The following EPM2A variants were observed in gnomAD, a reference collection of about 807,000 sequenced individuals.
EPM2A encodes the protein EPM2A glucan phosphatase, laforin.
Under a neutral mutation model 26.5 loss-of-function variants are expected in EPM2A, and 21 were observed. The ratio of observed to expected loss-of-function variants is 0.79; its 90% CI spans 0.56 to 1.14. The LOEUF is 1.14. EPM2A is among the 50% of genes most tolerant of loss of function. The pLI, the probability that EPM2A is intolerant of heterozygous loss-of-function variation, is 0.00. For synonymous variants in EPM2A, 217 were observed against 177.6 expected (o/e 1.22, Z -1.76); for missense variants, 458 against 440.8 (o/e 1.04, Z -0.35).
intron 4 of EPM2A, among the ~76,000 whole-genome samples, chr6:145,467,304 A>G (rs994669962): frequency 3.9e-5 from 6 of 152,262 alleles, no homozygotes; most frequent in African/African-American, 1.4e-4. Flanking sequence ...CCAAACTGTC[A>G]AAAAGTTGTC....
chr6:145,656,405 T>C (rs1453629712), intron 2 of EPM2A, among the ~76,000 whole-genome samples: 1 of 152,180 alleles, frequency 6.6e-6, no homozygotes, highest in African/African-American at 2.4e-5. Context: ...CACCAACTCC[T>C]GCAAACCTCA....
At chr6:145,384,649 T>A (rs1299121902) in intron 4 of EPM2A, among the ~76,000 whole-genome samples, 1 of 146,172 alleles carries the variant, frequency 6.8e-6, no homozygotes, top group Non-Finnish European at 1.5e-5. Context: ...TCCTGGGGAG[T>A]GCTGCCAGCT....
intron 4 of EPM2A, among the ~76,000 whole-genome samples, chr6:145,435,015 A>T (rs1204765884): frequency 6.6e-6 from 1 of 151,768 alleles, no homozygotes; most frequent in African/African-American, 2.4e-5. Flanking sequence ...TGATGTGCCT[A>T]CTCTGGTCCC....
chr6:145,681,791 G>A (rs1230150369), intron 2 of EPM2A, among the ~76,000 whole-genome samples: 1 of 152,162 alleles, frequency 6.6e-6, no homozygotes, highest in Non-Finnish European at 1.5e-5. Flanking sequence ...ACAGGTGCTT[G>A]TCAGCTTATA....
intron 2 of EPM2A, among the ~76,000 whole-genome samples, chr6:145,660,690 T>A (rs1778633016): frequency 6.6e-6 from 1 of 152,090 alleles, no homozygotes; most frequent in Non-Finnish European, 1.5e-5. Context: ...TAGTCCCAGC[T>A]ACTCGAGAGG....
At chr6:145,603,845 C>T (rs1173138597) in intron 2 of EPM2A, among the ~76,000 whole-genome samples, 1 of 152,110 alleles carries the variant, frequency 6.6e-6, no homozygotes, top group African/African-American at 2.4e-5. Flanking sequence ...TCCCAAATGG[C>T]TTACTTAACT....
intron 4 of EPM2A, among the ~76,000 whole-genome samples, chr6:145,460,143 T>G (rs751752231): frequency 1.2e-4 from 18 of 152,210 alleles, no homozygotes; most frequent in Non-Finnish European, 1.9e-4. Flanking sequence ...AGGTAAGGAC[T>G]CGTTATCACC....
At chr6:145,497,233 T>C (rs1779832908), downstream of EPM2A, among the ~76,000 whole-genome samples, 1 of 152,194 alleles carries the variant, frequency 6.6e-6, no homozygotes, top group Non-Finnish European at 1.5e-5. Context: ...ATTGCTAACA[T>C]TTGGATGCGG....
rs201917957 is a variant in EPM2A at position 145,559,672 on chromosome 6, CTTTT to C, written c.341-57101_341-57098del. On this transcript the variant is annotated intron_variant, in intron 2 of 3. Transcript: ENST00000450221. ...GGCTCCTTTCCAATAATACTTTCTCCTTTTTTTTTTTTTTTTTTTTAAAATGGTG... is the reference window on the plus strand; with the variant it reads ...GGCTCCTTTCCAATAATACTTTCTCCTTTTTTTTTTTTTTTTAAAATGGTG... Among the ~76,000 whole-genome samples, 163 of 138,720 alleles carry C rather than the reference CTTTT, an allele frequency of 1.2e-3. 1 individual carries two copies. The East Asian group carries it at 0.019, about 16-fold the overall frequency. The allele number at this position is 138,720 out of a possible 152,430, so 91.0% of individuals were successfully genotyped here. A position where few individuals can be genotyped will look rare whatever the true frequency, so the allele number is the denominator to read the frequency against.
At chr6:145,386,806 T>G (rs772362639) in intron 4 of EPM2A, among the ~76,000 whole-genome samples, 1 of 152,186 alleles carries the variant, frequency 6.6e-6, no homozygotes, top group Non-Finnish European at 1.5e-5. Context: ...GTGCAGATAA[T>G]CTTAAACCAA....
At chr6:145,436,203 T>C (rs1778986507) in intron 4 of EPM2A, among the ~76,000 whole-genome samples, 1 of 152,232 alleles carries the variant, frequency 6.6e-6, no homozygotes, top group South Asian at 2.1e-4. Context: ...GCCAAATATG[T>C]TGCATTGTAC....
intron 4 of EPM2A, among the ~76,000 whole-genome samples, chr6:145,400,108 C>G (rs1388356273): frequency 1.3e-5 from 2 of 152,144 alleles, no homozygotes; most frequent in Non-Finnish European, 2.9e-5. Flanking sequence ...TCTTTTGGCT[C>G]TAAGTCCCTT....
At chr6:145,710,702 C>T (rs1775265638) in intron 1 of EPM2A, among the ~76,000 whole-genome samples, 1 of 152,030 alleles carries the variant, frequency 6.6e-6, no homozygotes, top group Non-Finnish European at 1.5e-5. Flanking sequence ...TTCACAATAG[C>T]AAAGACTTGG....
chr6:145,723,421 T>C (rs1776041456), intron 1 of EPM2A, among the ~76,000 whole-genome samples: 1 of 152,058 alleles, frequency 6.6e-6, no homozygotes, highest in African/African-American at 2.4e-5. Flanking sequence ...ACTATATACA[T>C]ATGCATACAC....
At chr6:145,594,733 G>T (rs1156303364) in intron 2 of EPM2A, among the ~76,000 whole-genome samples, 1 of 151,758 alleles carries the variant, frequency 6.6e-6, no homozygotes, top group Non-Finnish European at 1.5e-5. Context: ...GAATTTCAAT[G>T]AATATTTTAA....
intron 4 of EPM2A, among the ~76,000 whole-genome samples, chr6:145,471,509 C>A (rs76802751): frequency 0.07 from 10,679 of 152,038 alleles, 1,099 homozygotes; most frequent in African/African-American, 0.22. Flanking sequence ...GAGGCACTGA[C>A]GAGATAAAAA....
At chr6:145,385,333 T>C (rs1310629408) in intron 4 of EPM2A, among the ~76,000 whole-genome samples, 1 of 120,526 alleles carries the variant, frequency 8.3e-6, no homozygotes, top group Non-Finnish European at 1.8e-5. Context: ...GTTTGGAATT[T>C]TGTAATTTAG....
chr6:145,621,173 T>C (rs182587455), downstream of EPM2A, among the ~76,000 whole-genome samples: 5 of 152,350 alleles, frequency 3.3e-5, no homozygotes, highest in East Asian at 3.9e-4. Flanking sequence ...AGATTCCACA[T>C]ATAAATGAGA....
intron 4 of EPM2A, among the ~76,000 whole-genome samples, chr6:145,398,533 G>T (rs1778438128): frequency 6.6e-6 from 1 of 152,024 alleles, no homozygotes; most frequent in African/African-American, 2.4e-5. Context: ...TATTAGATTT[G>T]TCAAGAGCTT....
Sources: allele counts gnomAD v4.1 joint callset (sites outside exome capture counted in the v4.1 genomes callset), GRCh38; gene constraint gnomAD v4.1.1; transcripts MANE v1.5; gene names NCBI Gene and HGNC (gene_info 2026-07-23, HGNC 2026-07-21).